STK32A: variants seen among roughly 807,000 people sequenced by gnomAD.
STK32A encodes serine/threonine kinase 32A.
Under a neutral mutation model 53.2 loss-of-function variants are expected in STK32A, and 41 were observed. The ratio of observed to expected loss-of-function variants is 0.77; its 90% CI spans 0.60 to 1.00. The LOEUF (loss-of-function observed/expected upper bound fraction) is 1.00, where lower values mean the gene tolerates loss of function less well. Ranked by LOEUF, STK32A falls within the 50% of genes least tolerant of loss-of-function variation. The probability of loss-of-function intolerance (pLI) is 0.00; values close to 1 mark genes in which losing one functional copy is unlikely to be tolerated. For synonymous variants in STK32A, 166 were observed against 162.8 expected (o/e 1.02, Z -0.15); for missense variants, 458 against 485.8 (o/e 0.94, Z 0.54).
chr5:147,250,340 G>A (rs999368561), intron 2 of STK32A, among the ~76,000 whole-genome samples: 16 of 152,122 alleles, frequency 1.1e-4, no homozygotes, highest in East Asian at 3.9e-4. Context: ...TTAATTCTAC[G>A]GGGATGGCTA....
intron 4 of STK32A, among the ~76,000 whole-genome samples, chr5:147,292,233 G>T (rs970851133): frequency 1.3e-5 from 2 of 152,176 alleles, no homozygotes; most frequent in South Asian, 4.1e-4. Context: ...ATTCATCAAA[G>T]CAGTTTGGTC....
chr5:147,245,884 A>G (rs1171215614), intron 2 of STK32A, among the ~76,000 whole-genome samples: 1 of 152,204 alleles, frequency 6.6e-6, no homozygotes, highest in Non-Finnish European at 1.5e-5. Context: ...ATCTTCAGTG[A>G]CAGAGGCAAT....
At chr5:147,294,188 C>T (rs990625195) in intron 4 of STK32A, among the ~76,000 whole-genome samples, 1 of 152,230 alleles carries the variant, frequency 6.6e-6, no homozygotes, top group East Asian at 1.9e-4. Context: ...TTTTAGCCAA[C>T]TTGATCACAC....
intron 7 of STK32A, among the ~76,000 whole-genome samples, chr5:147,352,434 T>C (rs1756026340): frequency 6.6e-6 from 1 of 152,192 alleles, no homozygotes; most frequent in Non-Finnish European, 1.5e-5. Flanking sequence ...ACAAAAACTC[T>C]AAGTTCACCT....
chr5:147,327,999 C>T (rs1754685060), intron 5 of STK32A, among the ~76,000 whole-genome samples: 2 of 152,034 alleles, frequency 1.3e-5, no homozygotes, highest in South Asian at 2.1e-4. Flanking sequence ...AGTGTGGAGT[C>T]GCAAAATAAG....
At chr5:147,344,830 G>A (rs1755606151) in intron 6 of STK32A, among the ~76,000 whole-genome samples, 1 of 152,162 alleles carries the variant, frequency 6.6e-6, no homozygotes, top group Non-Finnish European at 1.5e-5. Context: ...CTTAAATGAA[G>A]GCATATAGGT....
chr5:147,396,828 T>C, the STK32A span, among the ~76,000 whole-genome samples: 5 of 149,640 alleles, frequency 3.3e-5, no homozygotes, highest in African/African-American at 4.9e-5. Flanking sequence ...CACATATATA[T>C]ACAAACACAT....
rs749127112 is a variant in STK32A at position 147,383,955 on chromosome 5, G to A, written c.1163G>A (p.Gly388Asp). The change falls in exon 13 of 13, where the codon GGT becomes GAT. Residue 388 changes from glycine to aspartate, a missense_variant. Coordinates refer to ENST00000397936, the MANE Select transcript of STK32A (RefSeq NM_001112724.2). ...TTGGAACAAACCAAAGACCCACAAG[G>A]TGAGGATGGTCAGAATAACAACTTG... ...LALEQTKDPQ[G>D]EDGQNNNL is the part of the protein sequence containing the mutation. 2 of 1,608,404 alleles carry A rather than the reference G, an allele frequency of 1.2e-6. No individual in the cohort carries two copies. The highest frequency in any genetic ancestry group is 8.5e-7 in the Non-Finnish European group (1 of 1,178,154).
chr5:147,238,900 T>C (rs1440062124), intron 1 of STK32A, among the ~76,000 whole-genome samples: 2 of 152,110 alleles, frequency 1.3e-5, no homozygotes, highest in African/African-American at 4.8e-5. Flanking sequence ...ACAGAGTTAA[T>C]AATATATAAA....
chr5:147,282,919 T>G (rs2151956812), intron 4 of STK32A, among the ~76,000 whole-genome samples: 1 of 152,236 alleles, frequency 6.6e-6, no homozygotes, highest in Middle Eastern at 3.4e-3. Context: ...AACAATGGAT[T>G]TAAACTATAC....
intron 2 of STK32A, among the ~76,000 whole-genome samples, chr5:147,266,996 T>A (rs534144703): frequency 6.9e-6 from 1 of 145,262 alleles, no homozygotes; most frequent in Middle Eastern, 3.8e-3. Context: ...GCACTTGTAC[T>A]CCAGCCTGGG....
At chr5:147,301,722 G>C (rs2151966350) in intron 4 of STK32A, among the ~76,000 whole-genome samples, 1 of 152,234 alleles carries the variant, frequency 6.6e-6, no homozygotes, top group Non-Finnish European at 1.5e-5. Flanking sequence ...CTGGTGGCTT[G>C]AGACATCATA....
chr5:147,351,448 G>A (rs1408044380), intron 7 of STK32A, among the ~76,000 whole-genome samples: 1 of 152,128 alleles, frequency 6.6e-6, no homozygotes, highest in East Asian at 1.9e-4. Context: ...CTGTCTCTGT[G>A]TGCTTAGCAC....
chr5:147,374,986 T>C, intron 10 of STK32A, 104 bp from the exon 11 acceptor site: 6 of 1,034,794 alleles, frequency 5.8e-6, no homozygotes, highest in Non-Finnish European at 6.7e-6. Flanking sequence ...GTATTATTCA[T>C]GGACTGCTCC....
intron 4 of STK32A, among the ~76,000 whole-genome samples, chr5:147,321,236 T>C (rs139256655): frequency 7.9e-5 from 12 of 152,338 alleles, no homozygotes; most frequent in African/African-American, 2.9e-4. Context: ...AGCAAGGCTG[T>C]GATGAATGGT....
Position 147,375,161 on chromosome 5 carries a change from G to GA in STK32A, c.983dup (p.Arg329AlafsTer25), listed in dbSNP as rs766097908. The GA allele has an allele frequency of 8.7e-6, 14 of 1,609,230 alleles. No individual in the cohort carries two copies. Among genetic ancestry groups the GA allele is most frequent in the Admixed American group, 3.4e-5 (2 of 59,352 alleles). On this transcript the variant is annotated frameshift_variant, in exon 11 of 13. Transcript: ENST00000397936. LOFTEE classifies it high-confidence loss of function. ...TTTTGGAGTCCAAACCTCTACATAA[G>GA]AAAAAAAAGCGTCTGGCAAAGAAGG...
At chr5:147,395,776 T>C in the STK32A span, 1 of 1,593,918 alleles carries the variant, frequency 6.3e-7, no homozygotes, top group Non-Finnish European at 8.5e-7. Context: ...TTAGGGTCTG[T>C]TCTAGGTATC....
At chr5:147,278,486 G>A (rs763050697) in intron 3 of STK32A, among the ~76,000 whole-genome samples, 1 of 152,166 alleles carries the variant, frequency 6.6e-6, no homozygotes, top group Non-Finnish European at 1.5e-5. Context: ...ATCATTTTCA[G>A]ATTCTACCAG....
intron 7 of STK32A, among the ~76,000 whole-genome samples, chr5:147,355,508 C>T (rs1404951927): frequency 1.8e-5 from 2 of 110,532 alleles, no homozygotes; most frequent in African/African-American, 4.1e-5. Context: ...CCCGTCTCTA[C>T]TAAAAAAATA....
Sources: gnomAD v4.1 joint callset for allele counts (sites outside exome capture counted in the v4.1 genomes callset) on GRCh38, gnomAD v4.1.1 for gene constraint, MANE v1.5 for transcripts, NCBI Gene and HGNC (gene_info 2026-07-23, HGNC 2026-07-21) for gene names.